ZNF236: variants seen among roughly 807,000 people sequenced by gnomAD.
The protein encoded by ZNF236 is regulated by glucose.
In ZNF236, 50 loss-of-function variants were observed where a neutral mutation model predicts 191.2. The ratio of observed to expected loss-of-function variants is 0.26; its 90% CI spans 0.21 to 0.33. The LOEUF is 0.33. Ranked by LOEUF, ZNF236 falls within the 10% of genes least tolerant of loss-of-function variation. ZNF236 has a pLI of 1.00. For synonymous variants in ZNF236, 907 were observed against 928.8 expected (o/e 0.98, Z 0.43); for missense variants, 1,754 against 2,374.5 (o/e 0.74, Z 5.43).
chr18:76,834,620 T>C, intron 1 of ZNF236: 1 of 450,182 alleles, frequency 2.2e-6, no homozygotes, highest in Non-Finnish European at 4.3e-6. Context: ...AGTTGTGCCA[T>C]TATCCTTTTC....
intron 9 of ZNF236, among the ~76,000 whole-genome samples, chr18:76,890,241 T>G (rs1261416919): frequency 6.6e-6 from 1 of 152,238 alleles, no homozygotes; most frequent in East Asian, 1.9e-4. Flanking sequence ...TTTTCCTGAA[T>G]TTTCTGAGAG....
intron 9 of ZNF236, among the ~76,000 whole-genome samples, chr18:76,890,509 G>A (rs1977198806): frequency 6.6e-6 from 1 of 152,202 alleles, no homozygotes; most frequent in Admixed American, 6.5e-5. Flanking sequence ...TTGATAAACA[G>A]TTATACTTTC....
rs1304675681 is a variant in ZNF236, at chr18:76,915,707, C to T, written c.3122C>T (p.Thr1041Ile). 4 of 1,614,056 alleles carry T rather than the reference C, an allele frequency of 2.5e-6. No individual in the cohort carries two copies. In the South Asian group the frequency reaches 3.3e-5, roughly 13 times the overall value. The change falls in exon 19 of 31, where the codon ACC becomes ATC. Residue 1041 changes from threonine (T) to isoleucine (I), a missense_variant. By Grantham distance (89) the Thr-to-Ile change is moderately conservative (BLOSUM62 -1). This residue lies in a region of ZNF236 where 641 missense variants were observed against 869.6 expected (regional missense o/e 0.74). Transcript: ENST00000320610. ...NASFTTNGSL[T>I]RHMATHMSMK... ...TCCTTCACCACCAATGGCAGCCTCA[C>T]CCGGCACATGGCCACACATATGAGC...
At chr18:76,879,722 T>C (rs2122640403) in intron 7 of ZNF236, among the ~76,000 whole-genome samples, 1 of 152,364 alleles carries the variant, frequency 6.6e-6, no homozygotes, top group African/African-American at 2.4e-5. Context: ...GGAAGAATTT[T>C]TTCACAAATG....
intron 25 of ZNF236, chr18:76,936,234 G>T (rs1967994726): frequency 2.3e-6 from 1 of 443,556 alleles, no homozygotes; most frequent in Non-Finnish European, 4.6e-6. Flanking sequence ...CTTAGCAACT[G>T]GCACAGTGGC....
chr18:76,852,028 T>C, intron 3 of ZNF236, 89 bp downstream of exon 3: 1 of 1,364,576 alleles, frequency 7.3e-7, no homozygotes, highest in Non-Finnish European at 9.9e-7. Flanking sequence ...TATAAACTTG[T>C]TTTGAAAGCC....
chr18:76,948,443 G>C (rs1968322589), intron 27 of ZNF236, among the ~76,000 whole-genome samples: 1 of 152,168 alleles, frequency 6.6e-6, no homozygotes, highest in South Asian at 2.1e-4. Flanking sequence ...ATTTGTGTCT[G>C]GGGTCCCCAA....
At chr18:76,862,211 C>T (rs1239142716) in intron 3 of ZNF236, among the ~76,000 whole-genome samples, 1 of 152,060 alleles carries the variant, frequency 6.6e-6, no homozygotes, top group South Asian at 2.1e-4. Flanking sequence ...TTTGAAGAAG[C>T]CTGCAGCCTT....
chr18:76,878,110 A>G lies in ZNF236; in HGVS notation c.942A>G (p.Pro314=), dbSNP rs1190202789. The change falls in exon 7 of 31, where the codon CCA becomes CCG. Residue 314 remains proline (P), a synonymous_variant. Transcript: ENST00000320610. ...THISKMHMGG[P]QNSTSSTETA... is the part of the protein sequence containing the mutation. Reference sequence around the variant, plus strand: ...TCAGCAAGATGCATATGGGTGGGCCACAGAATTCAACAAGTTCTACAGAGA... The same window carrying G: ...TCAGCAAGATGCATATGGGTGGGCCGCAGAATTCAACAAGTTCTACAGAGA... 5 of 1,613,326 alleles carry G rather than the reference A, an allele frequency of 3.1e-6. No individual in the cohort carries two copies. Among genetic ancestry groups the G allele is most frequent in the Non-Finnish European group, 4.2e-6 (5 of 1,179,528 alleles).
chr18:76,855,862 A>G (rs1976027209), intron 3 of ZNF236, among the ~76,000 whole-genome samples: 1 of 152,162 alleles, frequency 6.6e-6, no homozygotes, highest in Admixed American at 6.5e-5. Flanking sequence ...CCAGAACATC[A>G]GTAGTGTGAG....
In ZNF236 at chr18:76,910,166, C is replaced by A; in HGVS notation, c.2650C>A (p.Gln884Lys). 6.2e-7 allele frequency: 1 copy of A among 1,611,044 alleles called. No homozygotes were observed. Among genetic ancestry groups the A allele is most frequent in the Non-Finnish European group, 8.5e-7 (1 of 1,177,474 alleles). The change falls in exon 15 of 31, where the codon CAA becomes AAA. Residue 884 changes from glutamine to lysine, a missense_variant. This residue lies in a region of ZNF236 where 641 missense variants were observed against 869.6 expected (regional missense o/e 0.74). Coordinates refer to ENST00000320610, the MANE Select transcript of ZNF236 (RefSeq NM_001306089.2). ...QQSFEPAGLPQGFTVTDTYHQ... is the reference protein window; with the variant it reads ...QQSFEPAGLPKGFTVTDTYHQ... ...GTCCTTCGAACCAGCAGGGCTACCC[C>A]AAGGTCAGTGGTGGGTTTTCAATGA...
chr18:76,868,621 C>A, intron 3 of ZNF236, 64 bp from the exon 4 acceptor site: 2 of 1,382,148 alleles, frequency 1.4e-6, no homozygotes, highest in Non-Finnish European at 2.0e-6. Context: ...GTTGATCATA[C>A]CAGTTCTTTG....
At chr18:76,937,066 C>T in intron 25 of ZNF236, 90 bp from the exon 26 acceptor site, 1 of 1,229,140 alleles carries the variant, frequency 8.1e-7, no homozygotes, top group Non-Finnish European at 1.2e-6. Context: ...AATGCTGCTT[C>T]CTGCAGGTGG....
At chr18:76,887,188 C>T (rs1483470466) in intron 9 of ZNF236, 2 of 152,140 alleles carry the variant, frequency 1.3e-5, no homozygotes, top group Non-Finnish European at 2.9e-5. Flanking sequence ...GCCTGGCCAA[C>T]ATGGTGAAAC....
intron 27 of ZNF236, among the ~76,000 whole-genome samples, chr18:76,953,156 C>G (rs1371745197): frequency 6.6e-6 from 1 of 152,256 alleles, no homozygotes; most frequent in African/African-American, 2.4e-5. Flanking sequence ...TGCCCCCTTA[C>G]TCAGCCTGTC....
chr18:76,837,164 G>T (rs371859173), intron 1 of ZNF236, among the ~76,000 whole-genome samples: 2 of 119,624 alleles, frequency 1.7e-5, no homozygotes, highest in Non-Finnish European at 1.7e-5. Flanking sequence ...CCAAAGTGCT[G>T]GAATTACAGG....
chr18:76,859,949 G>A (rs920212613), intron 3 of ZNF236, among the ~76,000 whole-genome samples: 1 of 152,180 alleles, frequency 6.6e-6, no homozygotes, highest in Non-Finnish European at 1.5e-5. Context: ...ACATCTGTGG[G>A]TAGCCCTGGG....
intron 9 of ZNF236, among the ~76,000 whole-genome samples, chr18:76,894,131 A>C (rs1481759316): frequency 1.3e-5 from 2 of 152,218 alleles, no homozygotes; most frequent in Non-Finnish European, 2.9e-5. Context: ...TCTAATCAAA[A>C]ATTTTAAAAA....
chr18:76,905,498 C>CTTTGA, intron 13 of ZNF236, 83 bp downstream of exon 13: 3 of 1,306,158 alleles, frequency 2.3e-6, no homozygotes, highest in Non-Finnish European at 3.1e-6. Context: ...AAATAATTGT[C>CTTTGA]TTTGATTCTT....
Sources: allele counts gnomAD v4.1 joint callset (sites outside exome capture counted in the v4.1 genomes callset), GRCh38; gene constraint gnomAD v4.1.1; regional missense constraint gnomAD v4.1.1; transcripts MANE v1.5; gene names NCBI Gene and HGNC (gene_info 2026-07-23, HGNC 2026-07-21).